The following RUNX1T1 variants were observed in gnomAD, a reference collection of about 807,000 sequenced individuals.
RUNX1T1 encodes RUNX1 partner transcriptional co-repressor 1, also known as protein CBFA2T1.
Under a neutral mutation model 62.8 loss-of-function variants are expected in RUNX1T1, and 4 were observed. That is an observed-to-expected ratio of 0.06 (90% CI 0.03 to 0.15). The LOEUF is 0.15. Among genes scored for constraint, RUNX1T1 ranks in the 10% least tolerant of loss-of-function variants. RUNX1T1 has a pLI of 1.00. For missense variants in RUNX1T1, 508 were observed against 754.3 expected, an observed-to-expected ratio of 0.67 and a Z score of 3.82; for synonymous variants, 291 against 286.0, an observed-to-expected ratio of 1.02 and a Z score of -0.18.
At chr8:91,961,799 T>G (rs1810508613) in intron 10 of RUNX1T1, among the ~76,000 whole-genome samples, 1 of 152,250 alleles carries the variant, frequency 6.6e-6, no homozygotes, top group African/African-American at 2.4e-5. Context: ...CTTTTTATTC[T>G]TTAACTTCAT....
chr8:92,031,503 G>A (rs1826223076), intron 1 of RUNX1T1, among the ~76,000 whole-genome samples: 1 of 152,140 alleles, frequency 6.6e-6, no homozygotes, highest in South Asian at 2.1e-4. Context: ...ACAGGGTCTT[G>A]CTCTATTGCT....
At chr8:92,014,807 C>T (rs746294729) in exon 3 of RUNX1T1, 13 of 1,608,650 alleles carry the variant, frequency 8.1e-6, no homozygotes, top group East Asian at 6.7e-5. Flanking sequence ...GAGAATGGCT[C>T]GTGCCATTAG....
At chr8:92,003,227 A>C in intron 5 of RUNX1T1, 2 of 399,262 alleles carry the variant, frequency 5.0e-6, no homozygotes, top group South Asian at 3.8e-5. Flanking sequence ...AGAGCATCAA[A>C]ACAAGAATGC....
intron 5 of RUNX1T1, among the ~76,000 whole-genome samples, chr8:91,998,100 G>T (rs1222097912): frequency 1.3e-5 from 2 of 152,162 alleles, no homozygotes; most frequent in East Asian, 3.9e-4. Flanking sequence ...TGAATCAAGG[G>T]GGGGAAAATC....
chr8:91,986,092 G>T (rs751324381), intron 8 of RUNX1T1, 32 bp downstream of exon 9: 18 of 1,424,696 alleles, frequency 1.3e-5, no homozygotes, highest in Non-Finnish European at 5.0e-6. Context: ...AGAAATATGT[G>T]TTTTCGAGAT....
chr8:92,088,444 C>A (rs1047922754), intron 1 of RUNX1T1, among the ~76,000 whole-genome samples: 1 of 152,200 alleles, frequency 6.6e-6, no homozygotes, highest in Non-Finnish European at 1.5e-5. Context: ...GCATTTAAAG[C>A]GCAGCTTGTA....
At chr8:92,010,092 C>T (rs1821638032) in intron 4 of RUNX1T1, 1 of 152,128 alleles carries the variant, frequency 6.6e-6, no homozygotes, top group African/African-American at 2.4e-5. Context: ...AGGATCTGAT[C>T]AGTTATATTT....
At position 91,972,761 on chromosome 8, in the gene RUNX1T1, T is replaced by C. The variant is rs199630732; in HGVS notation, c.1268-1913A>G. ...TTCCTATTCTAATCCCACAGGCATA[T>C]ACAGATCAGCAAAGAGAATTGGTAG... On this transcript the variant is annotated intron_variant, in intron 9 of 10. Transcript: ENST00000396218. Among the ~76,000 whole-genome samples, 7 of 152,212 alleles carry C rather than the reference T, an allele frequency of 4.6e-5. No individual in the cohort carries two copies. In the East Asian group the frequency reaches 1.3e-3, roughly 29 times the overall value.
intron 8 of RUNX1T1, 25 bp from the exon 10 acceptor site, chr8:91,975,998 G>A (rs207469557): frequency 3.4e-6 from 5 of 1,481,966 alleles, no homozygotes; most frequent in Middle Eastern, 3.4e-4. Context: ...GGAAGGGGGT[G>A]GAGAGAGGAG....
At chr8:91,963,949 T>G (rs1369662930) in intron 10 of RUNX1T1, among the ~76,000 whole-genome samples, 2 of 152,182 alleles carry the variant, frequency 1.3e-5, no homozygotes, top group East Asian at 3.9e-4. Context: ...TCATGGCACT[T>G]TATAGTATTC....
At chr8:91,977,229 G>A in intron 8 of RUNX1T1, 1 of 196,570 alleles carries the variant, frequency 5.1e-6, no homozygotes, top group Non-Finnish European at 1.1e-5. Context: ...CTACAGCTTG[G>A]TGAGGAATAT....
At chr8:92,098,541 CCAAA>C (rs1228750823) in intron 1 of RUNX1T1, among the ~76,000 whole-genome samples, 10 of 152,054 alleles carry the variant, frequency 6.6e-5, no homozygotes, top group South Asian at 2.1e-4. Flanking sequence ...GCTATGGATG[CCAAA>C]CAAAGGCTAA....
intron 9 of RUNX1T1, among the ~76,000 whole-genome samples, chr8:91,973,977 T>C (rs1248196183): frequency 6.6e-6 from 1 of 152,030 alleles, no homozygotes; most frequent in African/African-American, 2.4e-5. Flanking sequence ...CTGTAGATGA[T>C]AGACACTGTA....
chr8:92,003,016 A>G (rs565339373), intron 5 of RUNX1T1, among the ~76,000 whole-genome samples: 1 of 152,330 alleles, frequency 6.6e-6, no homozygotes, highest in Non-Finnish European at 1.5e-5. Flanking sequence ...TCCTAACTCT[A>G]AGGAAACCCA....
At chr8:92,015,748 T>C (rs1822863594) in intron 2 of RUNX1T1, among the ~76,000 whole-genome samples, 2 of 152,232 alleles carry the variant, frequency 1.3e-5, no homozygotes, top group Non-Finnish European at 2.9e-5. Flanking sequence ...AATTTTGATA[T>C]AGTTTGAAAA....
At chr8:92,058,433 G>A (rs189873917) in intron 1 of RUNX1T1, among the ~76,000 whole-genome samples, 1 of 152,296 alleles carries the variant, frequency 6.6e-6, no homozygotes, top group East Asian at 1.9e-4. Context: ...AGGTAGCTCT[G>A]CAATCCTAGA....
At chr8:92,056,979 T>C (rs1386417196) in intron 1 of RUNX1T1, among the ~76,000 whole-genome samples, 2 of 152,190 alleles carry the variant, frequency 1.3e-5, no homozygotes, top group Non-Finnish European at 2.9e-5. Context: ...ATTTATGATT[T>C]CTTTTTTGTT....
chr8:91,960,359 G>C, exon 11 of RUNX1T1: 3 of 1,614,028 alleles, frequency 1.9e-6, no homozygotes, highest in African/African-American at 1.3e-5. Flanking sequence ...CAGAGGAGCT[G>C]ACTGCAGGTG....
chr8:92,064,165 C>A (rs531999324), upstream of RUNX1T1, among the ~76,000 whole-genome samples: 2 of 152,286 alleles, frequency 1.3e-5, no homozygotes, highest in African/African-American at 4.8e-5. Context: ...CCCACACACA[C>A]TCTCCGCACA....
Sources: allele counts gnomAD v4.1 joint callset (sites outside exome capture counted in the v4.1 genomes callset), GRCh38; gene constraint gnomAD v4.1.1; transcripts MANE v1.5; gene names NCBI Gene and HGNC (gene_info 2026-07-23, HGNC 2026-07-21).